DOP1B: variants seen among roughly 807,000 people sequenced by gnomAD.
The protein encoded by DOP1B is protein DOP1B.
A neutral mutation model predicts 233.5 loss-of-function variants in DOP1B; 174 were observed. That is an observed-to-expected ratio of 0.75 (90% CI 0.66 to 0.85). The LOEUF (loss-of-function observed/expected upper bound fraction) is 0.85, where lower values mean the gene tolerates loss of function less well. Ranked by LOEUF, DOP1B falls within the 40% of genes least tolerant of loss-of-function variation. DOP1B has a pLI of 0.00. For missense variants in DOP1B, 2,652 were observed against 2,846.6 expected (o/e 0.93, Z 1.56); for synonymous variants, 1,190 against 1,185.6 (o/e 1.00, Z -0.08).
intron 15 of DOP1B, among the ~76,000 whole-genome samples, chr21:36,236,459 C>T (rs1252458364): frequency 6.6e-6 from 1 of 152,204 alleles, no homozygotes; most frequent in African/African-American, 2.4e-5. Context: ...GAGCAGACCC[C>T]AGAGGTGACC....
chr21:36,229,062 T>A (rs889366273), intron 13 of DOP1B, among the ~76,000 whole-genome samples: 1 of 152,206 alleles, frequency 6.6e-6, no homozygotes, highest in Non-Finnish European at 1.5e-5. Flanking sequence ...TTAGATACAG[T>A]TAATAACTAT....
At chr21:36,289,510 A>AC (rs2067533338) in intron 35 of DOP1B, among the ~76,000 whole-genome samples, 1 of 150,692 alleles carries the variant, frequency 6.6e-6, no homozygotes, top group Non-Finnish European at 1.5e-5. Context: ...AACAGGGCTT[A>AC]CCCACTGGTG....
At chr21:36,171,758 G>A (rs969343832) in intron 2 of DOP1B, among the ~76,000 whole-genome samples, 4 of 152,184 alleles carry the variant, frequency 2.6e-5, no homozygotes, top group African/African-American at 7.2e-5. Context: ...TGTTGTTGAA[G>A]CCACCTGGTG....
At position 36,251,176 on chromosome 21, in the gene DOP1B, A is replaced by G; in HGVS notation, c.5013A>G (p.Lys1671=). 1.2e-6 allele frequency: 2 copies of G among 1,612,038 alleles called. No individual in the cohort carries two copies. The highest frequency in any genetic ancestry group is 1.7e-6 in the Non-Finnish European group (2 of 1,179,614). ...CTATTTTCTAGACCATAAGACAAAA[A>G]ATTTTAGACTTCTTAAACCCCTTGA... is the stretch of plus-strand genomic sequence containing the variant. ...YFKTTKTIRQ[K]ILDFLNPLTA... is the part of the protein sequence containing the mutation. Residue 1671 remains lysine, a synonymous_variant, in exon 22 of 37, where the codon AAA becomes AAG. Coordinates refer to ENST00000691173, the MANE Select transcript of DOP1B (RefSeq NM_001320714.2).
At chr21:36,191,614 C>T (rs971602103) in intron 2 of DOP1B, among the ~76,000 whole-genome samples, 8 of 152,108 alleles carry the variant, frequency 5.3e-5, no homozygotes, top group East Asian at 1.9e-4. Context: ...AGTGAAACCT[C>T]GTCTCTACTA....
chr21:36,289,137 A>G lies in DOP1B; in HGVS notation c.6446A>G (p.Tyr2149Cys). 6.2e-7 allele frequency: 1 copy of G among 1,614,070 alleles called. No individual in the cohort carries two copies. Among genetic ancestry groups the G allele is most frequent in the Non-Finnish European group, 8.5e-7 (1 of 1,179,990 alleles). Residue 2149 changes from tyrosine (Y) to cysteine (C), a missense_variant, in exon 35 of 37, where the codon TAT becomes TGT. Around this residue, in one of 3 missense-constraint regions of DOP1B, gnomAD observed 2,617 missense variants for 2,794.3 expected, o/e 0.94. Transcript: ENST00000691173. ...GEIPQSELIL[Y>C]LSACKFLDTA... ...ATACCCCAGAGTGAACTCATCTTGT[A>G]TTTATCAGCTTGCAAATTCTTGGAC...
intron 1 of DOP1B, among the ~76,000 whole-genome samples, chr21:36,159,209 TG>T (rs2065847984): frequency 6.6e-6 from 1 of 152,120 alleles, no homozygotes; most frequent in South Asian, 2.1e-4. Flanking sequence ...CCCAGTACTT[TG>T]GGAGGCCAAG....
At chr21:36,207,804 G>A (rs2066446250) in intron 4 of DOP1B, among the ~76,000 whole-genome samples, 1 of 152,204 alleles carries the variant, frequency 6.6e-6, no homozygotes, top group South Asian at 2.1e-4. Context: ...CCTTCGTGGG[G>A]TGATATCCCT....
chr21:36,204,917 A>G (rs1348455361), intron 4 of DOP1B, among the ~76,000 whole-genome samples: 1 of 152,090 alleles, frequency 6.6e-6, no homozygotes, highest in Non-Finnish European at 1.5e-5. Flanking sequence ...AGCCTCCCAA[A>G]GTGCTGGGAT....
chr21:36,166,263 T>C (rs1447243996), intron 2 of DOP1B, among the ~76,000 whole-genome samples: 1 of 151,454 alleles, frequency 6.6e-6, no homozygotes, highest in Non-Finnish European at 1.5e-5. Context: ...GGTGAAACCC[T>C]GTCTCTACTA....
At chr21:36,166,908 A>G (rs1438630120) in intron 2 of DOP1B, among the ~76,000 whole-genome samples, 2 of 152,216 alleles carry the variant, frequency 1.3e-5, no homozygotes, top group Non-Finnish European at 2.9e-5. Flanking sequence ...TGTAAATGTC[A>G]CGGCTCCGTG....
At chr21:36,211,395 C>T (rs997719314) in intron 5 of DOP1B, among the ~76,000 whole-genome samples, 158 bp from the exon 6 acceptor site, 1 of 152,178 alleles carries the variant, frequency 6.6e-6, no homozygotes, top group African/African-American at 2.4e-5. Context: ...CAGCCTGTGG[C>T]CTCGAGAGCT....
chr21:36,197,626 G>A (rs533779068), intron 2 of DOP1B, among the ~76,000 whole-genome samples: 2 of 152,338 alleles, frequency 1.3e-5, no homozygotes, highest in East Asian at 3.9e-4. Flanking sequence ...TAAATCACAC[G>A]TGAGGAAGAG....
intron 15 of DOP1B, among the ~76,000 whole-genome samples, chr21:36,234,320 A>T (rs1314573985): frequency 6.6e-6 from 1 of 152,216 alleles, no homozygotes; most frequent in Non-Finnish European, 1.5e-5. Context: ...AAAATTTGGC[A>T]TATTTACACT....
Position 36,239,780 on chromosome 21 carries a change from G to T in DOP1B, c.2892G>T (p.Val964=), listed in dbSNP as rs544267317. The T allele has an allele frequency of 1.0e-5, 16 of 1,544,152 alleles. No individual in the cohort carries two copies. The South Asian group carries it at 1.8e-4, about 17-fold the overall frequency. Residue 964 remains valine (V), a synonymous_variant, in exon 18 of 37, where the codon GTG becomes GTT. Transcript: ENST00000691173. Reference sequence around the variant, plus strand: ...CCCACTGCAGGTCCTTGTTTGTCGTGCTGGACAGCCTGGCCTGCACGGATG... The same window carrying T: ...CCCACTGCAGGTCCTTGTTTGTCGTTCTGGACAGCCTGGCCTGCACGGATG... ...NRSFDRSLFV[V]LDSLACTDGA...
chr21:36,221,761 G>A (rs949605237), intron 10 of DOP1B, among the ~76,000 whole-genome samples: 13 of 151,968 alleles, frequency 8.6e-5, no homozygotes, highest in Non-Finnish European at 1.3e-4. Flanking sequence ...ATTTTTAGTG[G>A]AGATGGGGTT....
intron 32 of DOP1B, among the ~76,000 whole-genome samples, chr21:36,286,649 C>G (rs1347732329): frequency 1.4e-5 from 2 of 147,716 alleles, no homozygotes; most frequent in African/African-American, 5.1e-5. Context: ...AACACACACA[C>G]ACACACACAC....
Position 36,230,464 on chromosome 21 carries a change from T to C in DOP1B, c.1680T>C (p.Gly560=), listed in dbSNP as rs2066747119. 1.2e-6 allele frequency: 2 copies of C among 1,609,008 alleles called. No homozygotes were observed. The highest frequency in any genetic ancestry group is 1.7e-6 in the Non-Finnish European group (2 of 1,175,816). The change falls in exon 14 of 37, where the codon GGT becomes GGC. Residue 560 remains glycine (G), a synonymous_variant. Transcript: ENST00000691173. ...STSGTSSPVK[G]ENGKIILETK... is the part of the protein sequence containing the mutation. ...ATTTTTTACAGAGTCCAGTAAAAGG[T>C]GAAAACGGCAAAATAATTTTGGAAA...
chr21:36,234,105 G>A (rs773238766), intron 15 of DOP1B, among the ~76,000 whole-genome samples: 4 of 152,010 alleles, frequency 2.6e-5, no homozygotes, highest in Admixed American at 2.6e-4. Context: ...TGGGAGGCCC[G>A]CCTCAGCCTC....
Sources: gnomAD v4.1 joint callset for allele counts (sites outside exome capture counted in the v4.1 genomes callset) on GRCh38, gnomAD v4.1.1 for gene constraint, gnomAD v4.1.1 regional missense constraint, MANE v1.5 for transcripts, NCBI Gene and HGNC (gene_info 2026-07-23, HGNC 2026-07-21) for gene names.